Variants in UBE2E2 observed in about 807,000 individuals in gnomAD.
UBE2E2 encodes the protein ubiquitin conjugating enzyme E2 E2.
UBE2E2 carries 6 observed loss-of-function variants against 24.7 expected under a neutral mutation model. The ratio of observed to expected loss-of-function variants is 0.24; its 90% CI spans 0.13 to 0.48. UBE2E2 has a LOEUF of 0.48. UBE2E2 is among the 20% of genes least tolerant of loss of function. The probability of loss-of-function intolerance (pLI) is 0.99; values close to 1 mark genes in which losing one functional copy is unlikely to be tolerated. For missense variants in UBE2E2, 169 were observed against 245.0 expected (o/e 0.69, Z 2.07); for synonymous variants, 104 against 83.6 (o/e 1.24, Z -1.33).
chr3:23,238,085 T>C (rs577976592), intron 3 of UBE2E2, among the ~76,000 whole-genome samples: 1 of 152,314 alleles, frequency 6.6e-6, no homozygotes, highest in East Asian at 1.9e-4. Flanking sequence ...AAATATGAGA[T>C]ATGGCCTCTT....
At chr3:23,482,465 C>G (rs149478145) in intron 3 of UBE2E2, among the ~76,000 whole-genome samples, 1 of 152,136 alleles carries the variant, frequency 6.6e-6, no homozygotes, top group East Asian at 1.9e-4. Context: ...CTTCAGAGCT[C>G]AATTAATTAC....
chr3:23,551,595 A>T (rs1038194017), intron 5 of UBE2E2, among the ~76,000 whole-genome samples: 3 of 152,236 alleles, frequency 2.0e-5, no homozygotes, highest in Admixed American at 2.0e-4. Context: ...CAGAAACAAT[A>T]TGTTGCCTCA....
At chr3:23,309,477 C>A (rs778929435) in intron 3 of UBE2E2, among the ~76,000 whole-genome samples, 1 of 152,122 alleles carries the variant, frequency 6.6e-6, no homozygotes, top group Non-Finnish European at 1.5e-5. Flanking sequence ...TTATTTATTG[C>A]AGCATAACAA....
intron 3 of UBE2E2, among the ~76,000 whole-genome samples, chr3:23,488,385 C>T (rs1459843269): frequency 2.0e-5 from 3 of 151,998 alleles, no homozygotes; most frequent in Non-Finnish European, 4.4e-5. Context: ...CGACAGGCCC[C>T]GATGTGTGAT....
chr3:23,298,962 C>T (rs1042315920), intron 3 of UBE2E2, among the ~76,000 whole-genome samples: 1 of 152,190 alleles, frequency 6.6e-6, no homozygotes, highest in East Asian at 1.9e-4. Flanking sequence ...GCTTCAATCT[C>T]AGAGCCTGTT....
chr3:23,360,289 A>G (rs943633442), intron 3 of UBE2E2, among the ~76,000 whole-genome samples: 2 of 152,148 alleles, frequency 1.3e-5, no homozygotes, highest in Non-Finnish European at 2.9e-5. Flanking sequence ...AATTCGTTTT[A>G]AAAAAGTCAG....
chr3:23,247,380 G>T (rs1443900820), intron 3 of UBE2E2, among the ~76,000 whole-genome samples: 1 of 149,638 alleles, frequency 6.7e-6, no homozygotes, highest in Non-Finnish European at 1.5e-5. Flanking sequence ...TTTTGAGACG[G>T]AGTCTCGCTC....
intron 3 of UBE2E2, among the ~76,000 whole-genome samples, chr3:23,319,546 C>T (rs1694685379): frequency 6.6e-6 from 1 of 152,090 alleles, no homozygotes; most frequent in African/African-American, 2.4e-5. Context: ...AGCTATCCTT[C>T]TCTACCAGGC....
At chr3:23,335,331 T>G (rs1294909263) in intron 3 of UBE2E2, among the ~76,000 whole-genome samples, 1 of 152,206 alleles carries the variant, frequency 6.6e-6, no homozygotes, top group African/African-American at 2.4e-5. Context: ...GTAGTTCATT[T>G]CTGCCCTTCC....
rs181186391 is a variant in UBE2E2 at position 23,473,009 on chromosome 3, C to T, written c.228-26599C>T. Among the ~76,000 whole-genome samples, 114 of 152,036 alleles carry T rather than the reference C, an allele frequency of 7.5e-4. 2 individuals are homozygous for T. The highest frequency in any genetic ancestry group is 2.7e-3 in the African/African-American group (112 of 41,386). On this transcript the variant is annotated intron_variant, in intron 3 of 5. Coordinates refer to ENST00000396703, the MANE Select transcript of UBE2E2 (RefSeq NM_152653.4). ...ACTTTATTTCAATATAATCTATTTT[C>T]TTTGTGATACTGTGCATTTTCTGTT... is the stretch of plus-strand genomic sequence containing the variant.
At chr3:23,269,487 T>C (rs1698173391) in intron 3 of UBE2E2, among the ~76,000 whole-genome samples, 1 of 152,150 alleles carries the variant, frequency 6.6e-6, no homozygotes, top group African/African-American at 2.4e-5. Flanking sequence ...CTGGACTGTG[T>C]TAGCTGGGAA....
chr3:23,292,103 T>C (rs6769959), intron 3 of UBE2E2, among the ~76,000 whole-genome samples: 111,393 of 151,768 alleles, frequency 0.73, 41,252 homozygotes, highest in African/African-American at 0.83. Context: ...CGTGATTCGC[T>C]CACCTTGGCC....
At chr3:23,305,351 G>T (rs543239468) in intron 3 of UBE2E2, among the ~76,000 whole-genome samples, 1 of 152,184 alleles carries the variant, frequency 6.6e-6, no homozygotes, top group Non-Finnish European at 1.5e-5. Context: ...CTTTATGCAT[G>T]CTCAAAGGAT....
chr3:23,421,513 TCTC>T (rs1490909364), intron 3 of UBE2E2, among the ~76,000 whole-genome samples: 1 of 152,122 alleles, frequency 6.6e-6, no homozygotes. Context: ...TGCAAACAAT[TCTC>T]CTGTCCCAGC....
chr3:23,348,203 A>G (rs914859608), intron 3 of UBE2E2, among the ~76,000 whole-genome samples: 4 of 152,182 alleles, frequency 2.6e-5, no homozygotes, highest in Admixed American at 6.5e-5. Context: ...ACTATGTTCA[A>G]TTGAAATCAA....
chr3:23,320,889 G>A (rs1011045717), intron 3 of UBE2E2, among the ~76,000 whole-genome samples: 9 of 152,210 alleles, frequency 5.9e-5, no homozygotes, highest in African/African-American at 2.2e-4. Flanking sequence ...TAGGGCTGCT[G>A]TAACAAATTA....
At chr3:23,573,709 G>A (rs186440696) in intron 5 of UBE2E2, among the ~76,000 whole-genome samples, 1 of 152,260 alleles carries the variant, frequency 6.6e-6, no homozygotes, top group Admixed American at 6.5e-5. Context: ...TCTCAGTGCT[G>A]CCAGCTGCTA....
chr3:23,213,799 T>A (rs574681932), intron 2 of UBE2E2, among the ~76,000 whole-genome samples: 2 of 152,284 alleles, frequency 1.3e-5, no homozygotes, highest in South Asian at 4.1e-4. Flanking sequence ...AAACAGATAC[T>A]TAGAGAATTC....
intron 3 of UBE2E2, among the ~76,000 whole-genome samples, chr3:23,436,415 T>C (rs1490504128): frequency 6.6e-6 from 1 of 152,210 alleles, no homozygotes; most frequent in African/African-American, 2.4e-5. Context: ...CATTTCTTAG[T>C]CCTGCGTTCT....
Sources: gnomAD v4.1 joint callset for allele counts (sites outside exome capture counted in the v4.1 genomes callset) on GRCh38, gnomAD v4.1.1 for gene constraint, MANE v1.5 for transcripts, NCBI Gene and HGNC (gene_info 2026-07-23, HGNC 2026-07-21) for gene names.